SFRP1: variants seen among roughly 807,000 people sequenced by gnomAD.
SFRP1 encodes the protein secreted frizzled related protein 1.
Under a neutral mutation model 25.9 loss-of-function variants are expected in SFRP1, and 9 were observed. The observed-to-expected ratio is 0.35, with a 90% CI of 0.21 to 0.61. The LOEUF (loss-of-function observed/expected upper bound fraction) is 0.61, where lower values mean the gene tolerates loss of function less well. Among genes scored for constraint, SFRP1 ranks in the 20% least tolerant of loss-of-function variants. SFRP1 has a pLI of 0.78. For synonymous variants in SFRP1, 178 were observed against 174.0 expected (o/e 1.02, Z -0.18); for missense variants, 346 against 418.2 (o/e 0.83, Z 1.51).
At chr8:41,276,833 G>A (rs1055377012) in intron 2 of SFRP1, 9 of 424,850 alleles carry the variant, frequency 2.1e-5, no homozygotes, top group South Asian at 1.5e-4. Context: ...CCTCAGGAAG[G>A]TGGCCAGGCA....
chr8:41,282,874 A>G (rs1274808445), intron 2 of SFRP1, among the ~76,000 whole-genome samples: 1 of 152,200 alleles, frequency 6.6e-6, no homozygotes, highest in Non-Finnish European at 1.5e-5. Context: ...AAAGCCAGAG[A>G]CAAGCAAATA....
At position 41,301,657 on chromosome 8, in the gene SFRP1, T is replaced by C. The variant is rs141337165; in HGVS notation, c.622+1804A>G. On this transcript the variant is annotated intron_variant, in intron 2 of 2. Transcript: ENST00000220772. ...TGTAAAAGGACTCCAGTTGAGAAAG[T>C]CAAATTCCTTCTTTATCAAATAAGA... Among the ~76,000 whole-genome samples, 374 of 152,234 alleles carry C rather than the reference T, an allele frequency of 2.5e-3. 2 individuals are homozygous for C. The highest frequency in any genetic ancestry group is 8.6e-3 in the African/African-American group (355 of 41,520).
At chr8:41,265,529 G>A (rs757850339) in intron 2 of SFRP1, 40 bp from the exon 3 acceptor site, 27 of 1,463,866 alleles carry the variant, frequency 1.8e-5, no homozygotes, top group Non-Finnish European at 2.3e-5. Context: ...AAGAGGGTAA[G>A]AGAAAGCATT....
At chr8:41,281,994 G>A (rs1056436026) in intron 2 of SFRP1, among the ~76,000 whole-genome samples, 1 of 152,174 alleles carries the variant, frequency 6.6e-6, no homozygotes, top group South Asian at 2.1e-4. Flanking sequence ...GACAATTCAC[G>A]AGACAGCTGG....
At chr8:41,300,687 C>T (rs1004544272) in intron 2 of SFRP1, among the ~76,000 whole-genome samples, 2 of 152,162 alleles carry the variant, frequency 1.3e-5, no homozygotes, top group African/African-American at 4.8e-5. Flanking sequence ...ATTAGTGTGG[C>T]GGCTCGCAAA....
At chr8:41,297,602 TA>T (rs1218835554) in intron 2 of SFRP1, among the ~76,000 whole-genome samples, 1 of 152,128 alleles carries the variant, frequency 6.6e-6, no homozygotes, top group Non-Finnish European at 1.5e-5. Flanking sequence ...CACACTTGAT[TA>T]AATCCAATTC....
chr8:41,279,928 A>G (rs1391353213), intron 2 of SFRP1, among the ~76,000 whole-genome samples: 1 of 152,090 alleles, frequency 6.6e-6, no homozygotes, highest in Non-Finnish European at 1.5e-5. Flanking sequence ...GACCCTACCT[A>G]TTTATCCAAC....
At chr8:41,282,190 G>A (rs1803642152) in intron 2 of SFRP1, among the ~76,000 whole-genome samples, 1 of 152,222 alleles carries the variant, frequency 6.6e-6, no homozygotes, top group African/African-American at 2.4e-5. Flanking sequence ...TCAGATGTGT[G>A]CACCTTGTAG....
At chr8:41,270,541 C>T (rs938576254) in intron 2 of SFRP1, among the ~76,000 whole-genome samples, 3 of 152,054 alleles carry the variant, frequency 2.0e-5, no homozygotes, top group Admixed American at 6.5e-5. Context: ...TTGGGGCCCC[C>T]GGACACTCCT....
chr8:41,305,613 T>G (rs756365595), intron 1 of SFRP1, among the ~76,000 whole-genome samples: 3 of 152,230 alleles, frequency 2.0e-5, no homozygotes, highest in Admixed American at 6.5e-5. Flanking sequence ...CACCCAGTCA[T>G]CCTTCTGAGA....
chr8:41,279,609 G>A (rs765546464), intron 2 of SFRP1, among the ~76,000 whole-genome samples: 1 of 152,100 alleles, frequency 6.6e-6, no homozygotes, highest in Admixed American at 6.5e-5. Context: ...CCTCTGTCTT[G>A]GGGGTTCCCT....
intron 2 of SFRP1, among the ~76,000 whole-genome samples, chr8:41,296,496 T>G (rs1258654863): frequency 5.4e-5 from 8 of 148,200 alleles, no homozygotes; most frequent in Non-Finnish European, 1.0e-4. Flanking sequence ...TTTGGCCATT[T>G]GTTCTTCTGG....
rs1319128535 is a variant in SFRP1 at position 41,262,502 on chromosome 8, G to A, written c.*2665C>T. On this transcript the variant is annotated 3_prime_UTR_variant, in exon 3 of 3. Coordinates refer to ENST00000220772, the MANE Select transcript of SFRP1 (RefSeq NM_003012.5). ...GGTACCAAGAGCCAAGTGTTACACA[G>A]GATATTTTAAAAATAAAATGTTTTT... 2 of 152,166 alleles carry A rather than the reference G, an allele frequency of 1.3e-5. No individual in the cohort carries two copies. The highest frequency in any genetic ancestry group is 1.5e-5 in the Non-Finnish European group (1 of 68,028). The allele number at this position is 152,166 out of a possible 1,614,324, so 9.4% of individuals were successfully genotyped here. A position where few individuals can be genotyped will look rare whatever the true frequency, so the allele number is the denominator to read the frequency against.
In SFRP1 at chr8:41,304,238, C is replaced by T. The variant is rs140544338; in HGVS notation, c.545-700G>A. Among the ~76,000 whole-genome samples, 6 of 152,298 alleles carry T rather than the reference C, an allele frequency of 3.9e-5. No homozygotes were observed. In the East Asian group the frequency reaches 9.7e-4, roughly 25 times the overall value. Reference sequence around the variant, plus strand: ...GGTTTGTGGGGGCAGACGTGCATAACGTTGGAAGGCAGCTCCACTGCCTGG... The same window carrying T: ...GGTTTGTGGGGGCAGACGTGCATAATGTTGGAAGGCAGCTCCACTGCCTGG... On this transcript the variant is annotated intron_variant, in intron 1 of 2. Coordinates refer to ENST00000220772, the MANE Select transcript of SFRP1 (RefSeq NM_003012.5).
intron 2 of SFRP1, among the ~76,000 whole-genome samples, chr8:41,284,365 A>C (rs1262727438): frequency 1.5e-5 from 1 of 65,880 alleles, no homozygotes; most frequent in Non-Finnish European, 2.9e-5. Flanking sequence ...CCCCTCCCAC[A>C]TTGCTGGAGG....
chr8:41,306,644 C>T (rs1344127904), intron 1 of SFRP1: 28 of 1,518,566 alleles, frequency 1.8e-5, no homozygotes, highest in South Asian at 1.2e-4. Flanking sequence ...GAAAACCAGT[C>T]CCAAGCCCCA....
chr8:41,265,144 T>G lies in SFRP1; in HGVS notation c.*23A>C. The G allele has an allele frequency of 4.9e-5, 5 of 102,766 alleles. No homozygotes were observed. The highest frequency in any genetic ancestry group is 1.9e-4 in the African/African-American group (1 of 5,208). The allele number at this position is 102,766 out of a possible 1,614,324, so 6.4% of individuals were successfully genotyped here. On this transcript the variant is annotated 3_prime_UTR_variant, in exon 3 of 3. Coordinates refer to ENST00000220772, the MANE Select transcript of SFRP1 (RefSeq NM_003012.5). Reference sequence around the variant, plus strand: ...CGCTCCCACCCCACCCGAGGCTCCCTCCCCACCCTGCCCCCGGGAGAATCA... The same window carrying G: ...CGCTCCCACCCCACCCGAGGCTCCCGCCCCACCCTGCCCCCGGGAGAATCA...
At chr8:41,304,552 A>G (rs981327241) in intron 1 of SFRP1, among the ~76,000 whole-genome samples, 21 of 152,136 alleles carry the variant, frequency 1.4e-4, no homozygotes, top group Admixed American at 3.3e-4. Context: ...AGAGCACAGG[A>G]AAGTCACCGC....
At chr8:41,285,863 A>C (rs11783547) in intron 2 of SFRP1, among the ~76,000 whole-genome samples, 49,049 of 152,068 alleles carry the variant, frequency 0.32, 8,264 homozygotes, top group Middle Eastern at 0.41. Context: ...CGGGGGTGCC[A>C]ATGATCCCTC....
Sources: gnomAD v4.1 joint callset for allele counts (sites outside exome capture counted in the v4.1 genomes callset) on GRCh38, gnomAD v4.1.1 for gene constraint, MANE v1.5 for transcripts, NCBI Gene and HGNC (gene_info 2026-07-23, HGNC 2026-07-21) for gene names.